The following CDK6 variants were observed in gnomAD, a reference collection of about 807,000 sequenced individuals.
CDK6 encodes the protein cyclin-dependent kinase 6.
CDK6 carries 6 observed loss-of-function variants against 37.1 expected under a neutral mutation model. The ratio of observed to expected loss-of-function variants is 0.16; its 90% CI spans 0.09 to 0.32. The LOEUF is 0.32. Among genes scored for constraint, CDK6 ranks in the 10% least tolerant of loss-of-function variants. The pLI is 1.00. For missense variants in CDK6, 224 were observed against 418.9 expected (o/e 0.53, Z 4.06); for synonymous variants, 160 against 161.3 (o/e 0.99, Z 0.06).
intron 5 of CDK6, among the ~76,000 whole-genome samples, chr7:92,662,212 A>G (rs1270927329): frequency 6.6e-6 from 1 of 152,186 alleles, no homozygotes; most frequent in Non-Finnish European, 1.5e-5. Context: ...AGGAAGGAGA[A>G]GGTGAAGATA....
intron 4 of CDK6, among the ~76,000 whole-genome samples, chr7:92,707,414 C>T (rs766426737): frequency 3.3e-5 from 5 of 152,024 alleles, no homozygotes; most frequent in African/African-American, 1.2e-4. Context: ...GTATAATAGC[C>T]GTTATACTGC....
At chr7:92,654,105 A>T (rs193177871) in intron 5 of CDK6, among the ~76,000 whole-genome samples, 12 of 151,736 alleles carry the variant, frequency 7.9e-5, no homozygotes, top group Admixed American at 5.9e-4. Flanking sequence ...TAACTGTGCT[A>T]TATACTCAGT....
At chr7:92,775,079 G>A (rs141621026) in intron 2 of CDK6, among the ~76,000 whole-genome samples, 1 of 152,288 alleles carries the variant, frequency 6.6e-6, no homozygotes, top group Non-Finnish European at 1.5e-5. Flanking sequence ...AGAAAGCAAC[G>A]CGCTTGGAGC....
rs42042 is a variant in CDK6 at position 92,617,798 on chromosome 7, C to T, written c.834+274G>A. On this transcript the variant is annotated intron_variant, in intron 7 of 7. Coordinates refer to ENST00000424848, the MANE Select transcript of CDK6 (RefSeq NM_001145306.2). ...TAAAGAAACATATGTCAAAGTGAAT[C>T]GAGAGGCTTCTAAACCTGCATTGAA... Among the ~76,000 whole-genome samples, 91,261 of 152,118 alleles carry T rather than the reference C, an allele frequency of 0.6. 28,519 individuals carry two copies. The highest frequency in any genetic ancestry group is 0.81 in the East Asian group (4,172 of 5,172).
intron 5 of CDK6, among the ~76,000 whole-genome samples, chr7:92,657,941 C>T (rs749606671): frequency 1.3e-5 from 2 of 152,096 alleles, no homozygotes; most frequent in East Asian, 1.9e-4. Flanking sequence ...AGACTGGTCT[C>T]GAACTCCTGA....
chr7:92,818,525 C>G (rs1801085489), intron 2 of CDK6, among the ~76,000 whole-genome samples: 1 of 151,478 alleles, frequency 6.6e-6, no homozygotes, highest in South Asian at 2.1e-4. Context: ...CCTATATGCC[C>G]TGGAGGTAAA....
chr7:92,813,347 G>T (rs1331168476), intron 2 of CDK6, among the ~76,000 whole-genome samples: 3 of 152,034 alleles, frequency 2.0e-5, no homozygotes, highest in Admixed American at 6.6e-5. Context: ...AAAAAAAAAT[G>T]CACCAAAGCT....
chr7:92,782,882 G>A (rs756250591), intron 2 of CDK6, among the ~76,000 whole-genome samples: 1 of 152,182 alleles, frequency 6.6e-6, no homozygotes, highest in Admixed American at 6.5e-5. Context: ...CCTCAAATAC[G>A]TCTTACAGAG....
intron 7 of CDK6, among the ~76,000 whole-genome samples, chr7:92,617,849 A>C (rs1003603984): frequency 1.3e-5 from 2 of 152,208 alleles, no homozygotes; most frequent in African/African-American, 4.8e-5. Flanking sequence ...TGGCAGATTT[A>C]AAAAAATGTG....
At chr7:92,728,943 G>A (rs1798578004) in intron 3 of CDK6, among the ~76,000 whole-genome samples, 1 of 152,130 alleles carries the variant, frequency 6.6e-6, no homozygotes, top group Admixed American at 6.6e-5. Flanking sequence ...CCTGTAATAA[G>A]CATGACTGGG....
intron 2 of CDK6, among the ~76,000 whole-genome samples, chr7:92,787,235 A>G (rs1800167434): frequency 1.3e-5 from 2 of 150,742 alleles, no homozygotes; most frequent in Non-Finnish European, 3.0e-5. Context: ...TTTCTGGGTG[A>G]TAAGATTTTG....
chr7:92,759,299 T>C (rs567222812), intron 3 of CDK6, among the ~76,000 whole-genome samples: 1 of 152,282 alleles, frequency 6.6e-6, no homozygotes, highest in South Asian at 2.1e-4. Flanking sequence ...GCTAGGACTT[T>C]GTTATTTTGG....
In CDK6 at chr7:92,607,639, T is replaced by G. The variant is rs1795457826; in HGVS notation, c.*7501A>C. The G allele has an allele frequency of 4.3e-6, 1 of 232,956 alleles. No homozygotes were observed. The highest frequency in any genetic ancestry group is 8.5e-6 in the Non-Finnish European group (1 of 117,892). The allele number at this position is 232,956 out of a possible 1,614,324, so 14.4% of individuals were successfully genotyped here. ...ACACTTTCTGCCTTCAGTTGTACTT[T>G]CACAGGACTAGTGTGATTCAGAAAT... On this transcript the variant is annotated 3_prime_UTR_variant, in exon 8 of 8. Coordinates refer to ENST00000424848, the MANE Select transcript of CDK6 (RefSeq NM_001145306.2).
At chr7:92,736,260 T>C (rs1798785037) in intron 3 of CDK6, among the ~76,000 whole-genome samples, 1 of 152,162 alleles carries the variant, frequency 6.6e-6, no homozygotes, top group South Asian at 2.1e-4. Context: ...TTATTTATTG[T>C]AAAGTTCATA....
In CDK6 at chr7:92,650,143, CACT is replaced by C. The variant is rs554810982; in HGVS notation, c.647+21280_647+21282del. Among the ~76,000 whole-genome samples the C allele has an allele frequency of 2.7e-3, 407 of 152,302 alleles. 14 individuals are homozygous for C. Among genetic ancestry groups the C allele is most frequent in the Admixed American group, 0.026 (393 of 15,292 alleles). Reference sequence around the variant, plus strand: ...TACACCCACCCTCTTTTAATTACAGCACTACAACAAGGCCACTTTGTTAAAATG... The same window carrying C: ...TACACCCACCCTCTTTTAATTACAGCACAACAAGGCCACTTTGTTAAAATG... On this transcript the variant is annotated intron_variant, in intron 5 of 7. Transcript: ENST00000424848.
chr7:92,826,779 A>G (rs1357243697), intron 2 of CDK6, among the ~76,000 whole-genome samples: 1 of 152,178 alleles, frequency 6.6e-6, no homozygotes, highest in Non-Finnish European at 1.5e-5. Flanking sequence ...CAATAGTCCA[A>G]GATACTTGCT....
chr7:92,792,741 G>T (rs1218072994), intron 2 of CDK6, among the ~76,000 whole-genome samples: 2 of 151,986 alleles, frequency 1.3e-5, no homozygotes, highest in South Asian at 2.1e-4. Context: ...AGTAATTAAT[G>T]AGCTCAGTCT....
rs73710423 is a variant in CDK6, at chr7:92,647,819, G to C, written c.647+23607C>G. On this transcript the variant is annotated intron_variant, in intron 5 of 7. Coordinates refer to ENST00000424848, the MANE Select transcript of CDK6 (RefSeq NM_001145306.2). The stretch of plus-strand genomic sequence containing the variant: ...AGGAACAGTGGTGTAGTGGACGCAG[G>C]GGACAGCTGTTCCCTGTTGGGAGAC... Among the ~76,000 whole-genome samples the C allele has an allele frequency of 8.7e-3, 1,323 of 152,276 alleles. 22 individuals are homozygous for C. Among genetic ancestry groups the C allele is most frequent in the African/African-American group, 0.03 (1,261 of 41,554 alleles).
rs1262161680 is a variant in CDK6, at chr7:92,834,546, G to T, written c.-367-856C>A. 1.3e-5 allele frequency among the ~76,000 whole-genome samples: 2 copies of T among 152,008 alleles called. No individual in the cohort carries two copies. Among genetic ancestry groups the T allele is most frequent in the Non-Finnish European group, 2.9e-5 (2 of 67,988 alleles). ...CACGGGATCCCAAGGGTGGGAGAAAGGGGTGTTCGCCACAATTTCGCTTGT... is the reference window on the plus strand; with the variant it reads ...CACGGGATCCCAAGGGTGGGAGAAATGGGTGTTCGCCACAATTTCGCTTGT... On this transcript the variant is annotated intron_variant, in intron 1 of 7. Transcript: ENST00000424848. This position sits in a 1 kb window ranked among gnomAD's most constrained non-coding sequence, Gnocchi z 4.6.
Sources: gnomAD v4.1 joint callset for allele counts (sites outside exome capture counted in the v4.1 genomes callset) on GRCh38, gnomAD v4.1.1 for gene constraint, Gnocchi (gnomAD v3.1) non-coding constraint, MANE v1.5 for transcripts, NCBI Gene and HGNC (gene_info 2026-07-23, HGNC 2026-07-21) for gene names.